Variants in RANBP2 observed in about 807,000 individuals in gnomAD.
RANBP2 encodes the protein RAN binding protein 2.
Under a neutral mutation model 303.6 loss-of-function variants are expected in RANBP2, and 57 were observed. The ratio of observed to expected loss-of-function variants is 0.19; its 90% confidence interval spans 0.15 to 0.23. RANBP2 has a LOEUF of 0.23. Ranked by LOEUF, RANBP2 falls within the 10% of genes least tolerant of loss-of-function variation. The pLI is 1.00. For synonymous variants in RANBP2, 1,167 were observed against 1,301.5 expected, an observed-to-expected ratio of 0.90 and a Z score of 2.23; for missense variants, 3,138 against 3,780.8, an observed-to-expected ratio of 0.83 and a Z score of 4.46.
chr2:108,976,394 C>G, the RANBP2 span, among the ~76,000 whole-genome samples: 3 of 152,314 alleles, frequency 2.0e-5, no homozygotes, highest in East Asian at 5.8e-4. Context: ...TCCATGCTAC[C>G]AGCATGGCTC....
chr2:109,364,243 T>C, the RANBP2 span, among the ~76,000 whole-genome samples: 1 of 152,098 alleles, frequency 6.6e-6, no homozygotes, highest in Non-Finnish European at 1.5e-5. Context: ...TCAGAGAGTC[T>C]TTCCTCAACT....
the RANBP2 span, among the ~76,000 whole-genome samples, chr2:108,953,752 AGC>A: frequency 6.6e-6 from 1 of 152,168 alleles, no homozygotes; most frequent in Non-Finnish European, 1.5e-5. Flanking sequence ...ACAATAAAGA[AGC>A]ACCAGAAAAC....
the RANBP2 span, among the ~76,000 whole-genome samples, chr2:109,731,599 T>A: frequency 6.6e-6 from 1 of 152,086 alleles, no homozygotes; most frequent in East Asian, 1.9e-4. Context: ...TTCACCATAT[T>A]GGCCAGGCTG....
chr2:108,946,966 T>G, the RANBP2 span, among the ~76,000 whole-genome samples: 1 of 152,134 alleles, frequency 6.6e-6, no homozygotes, highest in African/African-American at 2.4e-5. Context: ...ACTCCAGCAT[T>G]AACCCAAAAG....
At chr2:109,738,612 G>T in the RANBP2 span, among the ~76,000 whole-genome samples, 1 of 151,560 alleles carries the variant, frequency 6.6e-6, no homozygotes, top group Admixed American at 6.6e-5. Context: ...GAGTCACTGC[G>T]CCCAGCCTAT....
At chr2:109,425,044 T>G in the RANBP2 span, among the ~76,000 whole-genome samples, 2 of 152,140 alleles carry the variant, frequency 1.3e-5, no homozygotes, top group Admixed American at 1.3e-4. Context: ...ACACACGAAT[T>G]ATAAGAAAGT....
chr2:108,768,796 G>C (rs1362712690), intron 20 of RANBP2, among the ~76,000 whole-genome samples: 1 of 152,120 alleles, frequency 6.6e-6, no homozygotes, highest in Non-Finnish European at 1.5e-5. Flanking sequence ...ACTTTGGGAG[G>C]TTGAGGTGGG....
the RANBP2 span, chr2:109,615,224 A>G: frequency 1.3e-6 from 2 of 1,547,222 alleles, no homozygotes; most frequent in South Asian, 2.4e-5. Context: ...CAGACAGCGC[A>G]TCGGTGGCCT....
At chr2:108,759,915 A>T (rs1477388320) in intron 18 of RANBP2, among the ~76,000 whole-genome samples, 8 of 152,106 alleles carry the variant, frequency 5.3e-5, no homozygotes, top group Non-Finnish European at 1.2e-4. Flanking sequence ...GTCTCATTTT[A>T]TTCTTGCAAT....
chr2:109,225,490 G>A, the RANBP2 span, among the ~76,000 whole-genome samples: 1 of 152,240 alleles, frequency 6.6e-6, no homozygotes, highest in African/African-American at 2.4e-5. Flanking sequence ...TGGGGACTGG[G>A]TGGGCTGACC....
chr2:109,295,350 T>G, the RANBP2 span, among the ~76,000 whole-genome samples: 2 of 152,242 alleles, frequency 1.3e-5, no homozygotes, highest in Admixed American at 1.3e-4. Flanking sequence ...ATTGCTCAAG[T>G]CACACAGCTG....
the RANBP2 span, among the ~76,000 whole-genome samples, chr2:109,405,363 C>T: frequency 6.6e-6 from 1 of 152,214 alleles, no homozygotes; most frequent in Admixed American, 6.5e-5. Context: ...TTCCCCAACA[C>T]TGACTCCCTG....
the RANBP2 span, among the ~76,000 whole-genome samples, chr2:109,066,129 G>C: frequency 6.7e-6 from 1 of 149,732 alleles, no homozygotes. Flanking sequence ...TTTTTTCTGA[G>C]ACATAGTATC....
the RANBP2 span, among the ~76,000 whole-genome samples, chr2:109,361,621 A>T: frequency 1.3e-5 from 2 of 152,050 alleles, no homozygotes; most frequent in African/African-American, 4.8e-5. Flanking sequence ...CTACAGGCAT[A>T]CGCCACCATG....
chr2:109,377,020 G>T, the RANBP2 span, among the ~76,000 whole-genome samples: 1 of 152,258 alleles, frequency 6.6e-6, no homozygotes, highest in Non-Finnish European at 1.5e-5. Flanking sequence ...AAGGAACAGA[G>T]AGCCGCTCAG....
At chr2:108,752,790 C>T (rs1428553196) in intron 12 of RANBP2, among the ~76,000 whole-genome samples, 2 of 148,740 alleles carry the variant, frequency 1.3e-5, no homozygotes, top group South Asian at 2.1e-4. Context: ...AAGACTCTGT[C>T]TCAAAAAAAA....
rs826526 is a variant in RANBP2, at chr2:108,731,491, T to G, written c.405+17T>G. ...AAACTAAAGGTAAACAAACAAAACA[T>G]AAAGGGAGAAAACTTAAGACATAAC... On this transcript the variant is annotated intron_variant, in intron 4 of 28. Transcript: ENST00000283195. 428,170 of 1,609,838 alleles carry G rather than the reference T, an allele frequency of 0.27. 66,458 individuals are homozygous for G. Among genetic ancestry groups the G allele is most frequent in the African/African-American group, 0.71 (53,388 of 74,754 alleles).
At position 108,765,750 on chromosome 2, in the gene RANBP2, T is replaced by C. The variant is rs1276212670; in HGVS notation, c.5211T>C (p.Asn1737=). 6.2e-7 allele frequency: 1 copy of C among 1,613,746 alleles called. No individual in the cohort carries two copies. Among genetic ancestry groups the C allele is most frequent in the Admixed American group, 1.7e-5 (1 of 59,972 alleles). ...QWDCSVCLVR[N]EASATKCIAC... Reference sequence around the variant, plus strand: ...ATTGCAGTGTGTGCTTAGTAAGAAATGAAGCCAGTGCTACCAAATGTATTG... The same window carrying C: ...ATTGCAGTGTGTGCTTAGTAAGAAACGAAGCCAGTGCTACCAAATGTATTG... The change falls in exon 20 of 29, where the codon AAT becomes AAC. Residue 1737 remains asparagine (N), a synonymous_variant. Coordinates refer to ENST00000283195, the MANE Select transcript of RANBP2 (RefSeq NM_006267.5).
At chr2:108,854,032 TATATAATATATAATAAATTTATATTA>T in the RANBP2 span, among the ~76,000 whole-genome samples, 1 of 107,084 alleles carries the variant, frequency 9.3e-6, no homozygotes, top group Non-Finnish European at 1.7e-5. Context: ...ATTTATATTA[TATATAATATATAATAAATTTATATTA>T]TATATATTTT....
Sources: gnomAD v4.1 joint callset for allele counts (sites outside exome capture counted in the v4.1 genomes callset) on GRCh38, gnomAD v4.1.1 for gene constraint, MANE v1.5 for transcripts, NCBI Gene and HGNC (gene_info 2026-07-23, HGNC 2026-07-21) for gene names.